UTP11: variants seen among roughly 807,000 people sequenced by gnomAD.
UTP11 encodes probable U3 small nucleolar RNA-associated protein 11.
A neutral mutation model predicts 39.0 loss-of-function variants in UTP11; 29 were observed. The observed-to-expected ratio is 0.74, with a 90% CI of 0.55 to 1.01. UTP11 has a LOEUF of 1.01. UTP11 is among the 50% of genes least tolerant of loss of function. The pLI is 0.00. For synonymous variants in UTP11, 111 were observed against 105.0 expected (o/e 1.06, Z -0.35); for missense variants, 281 against 306.0 (o/e 0.92, Z 0.61).
At chr1:38,018,399 TG>T in intron 3 of UTP11, 64 bp from the exon 4 acceptor site, 1 of 1,275,442 alleles carries the variant, frequency 7.8e-7, no homozygotes, top group Non-Finnish European at 1.1e-6. Context: ...AGCCGTGCAC[TG>T]TGCCAACAAC....
intron 4 of UTP11, 65 bp downstream of exon 4, chr1:38,018,642 C>G (rs1646719420): frequency 1.7e-6 from 2 of 1,195,018 alleles, no homozygotes; most frequent in Non-Finnish European, 2.4e-6. Context: ...TCATCAATCT[C>G]AAGTTATTCA....
intron 3 of UTP11, among the ~76,000 whole-genome samples, chr1:38,018,159 C>G (rs1314171278): frequency 1.3e-5 from 2 of 152,092 alleles, no homozygotes; most frequent in Non-Finnish European, 2.9e-5. Context: ...CAACCTCTGC[C>G]TCCCGGGTTC....
chr1:38,017,523 T>C (rs1646712741), intron 2 of UTP11, 145 bp from the exon 3 acceptor site: 1 of 587,166 alleles, frequency 1.7e-6, no homozygotes, highest in Non-Finnish European at 2.9e-6. Context: ...AGTGTCCAGA[T>C]CCAGTCAGTG....
In UTP11 at chr1:38,012,877, C is replaced by T. The variant is rs745848323; in HGVS notation, c.63+12C>T. On this transcript the variant is annotated intron_variant, in intron 1 of 7. Transcript: ENST00000373014. Reference sequence around the variant, plus strand: ...GAGAGCGAAGCCAGGTAGGACCATACAGGCCCCACAAGTGCTGGCCTTTGT... The same window carrying T: ...GAGAGCGAAGCCAGGTAGGACCATATAGGCCCCACAAGTGCTGGCCTTTGT... 1.2e-6 allele frequency: 2 copies of T among 1,614,154 alleles called. No homozygotes were observed. The highest frequency in any genetic ancestry group is 8.5e-7 in the Non-Finnish European group (1 of 1,180,030).
At chr1:38,022,020 C>T (rs561335907) in intron 6 of UTP11, among the ~76,000 whole-genome samples, 1 of 152,278 alleles carries the variant, frequency 6.6e-6, no homozygotes, top group African/African-American at 2.4e-5. Context: ...CTCAGGTGAG[C>T]TTCTGCTGAA....
intron 4 of UTP11, among the ~76,000 whole-genome samples, chr1:38,018,815 T>C (rs747926673): frequency 1.3e-5 from 2 of 152,164 alleles, no homozygotes; most frequent in Non-Finnish European, 2.9e-5. Flanking sequence ...ATGGGCAAAT[T>C]CAACTCCCTG....
chr1:38,023,581 G>A lies in UTP11; in HGVS notation c.715G>A (p.Val239Met), dbSNP rs750177283. ...TQKVKVKKET[V>M]NSPAIYKFQS... ...GAAAGTGAAGGTGAAGAAAGAAACG[G>A]TGAACTCCCCAGCTATTTATAAATT... is the stretch of plus-strand genomic sequence containing the variant. Residue 239 changes from valine (V) to methionine (M), a missense_variant, in exon 8 of 8, where the codon GTG becomes ATG. Coordinates refer to ENST00000373014, the MANE Select transcript of UTP11 (RefSeq NM_016037.4). The A allele has an allele frequency of 5.0e-6, 8 of 1,611,480 alleles. No homozygotes were observed. Among genetic ancestry groups the A allele is most frequent in the Non-Finnish European group, 6.8e-6 (8 of 1,178,944 alleles).
In UTP11 at chr1:38,016,380, G is replaced by T. The variant is rs1243264756; in HGVS notation, c.85G>T (p.Gly29Cys). The T allele has an allele frequency of 6.2e-7, 1 of 1,614,142 alleles. No homozygotes were observed. Among genetic ancestry groups the T allele is most frequent in the South Asian group, 1.1e-5 (1 of 91,080 alleles). Reference sequence around the variant, plus strand: ...CTAGCCTGGCTTTCGAAAACATCTGGGCCTGCTGGAGAAAAAGAAAGATTA... The same window carrying T: ...CTAGCCTGGCTTTCGAAAACATCTGTGCCTGCTGGAGAAAAAGAAAGATTA... Reference protein sequence around the residue: ...RSQPGFRKHLGLLEKKKDYKL... With the variant: ...RSQPGFRKHLCLLEKKKDYKL... The change falls in exon 2 of 8, where the codon GGC becomes TGC. Residue 29 changes from glycine to cysteine, a missense_variant. By Grantham distance (159) the Gly-to-Cys change is radical. Transcript: ENST00000373014.
Position 38,024,631 on chromosome 1 carries a change from TC to T in UTP11, c.*1004del, listed in dbSNP as rs1646755791. 6.6e-6 allele frequency: 1 copy of T among 151,760 alleles called. No homozygotes were observed. The highest frequency in any genetic ancestry group is 2.1e-4 in the South Asian group (1 of 4,808). 9.4% of individuals were successfully genotyped at this position (151,760 alleles called of 1,614,324 possible). A position where few individuals can be genotyped will look rare whatever the true frequency, so the allele number is the denominator to read the frequency against. ...ACCTTGTTAGCCAGGATGGTCTCGATCTCCTGACCTCATGATCCACCCGCCT... is the reference window on the plus strand; with the variant it reads ...ACCTTGTTAGCCAGGATGGTCTCGATTCCTGACCTCATGATCCACCCGCCT... On this transcript the variant is annotated 3_prime_UTR_variant, in exon 8 of 8. Coordinates refer to ENST00000373014, the MANE Select transcript of UTP11 (RefSeq NM_016037.4).
intron 6 of UTP11, 39 bp downstream of exon 6, chr1:38,019,422 G>A: frequency 1.4e-6 from 2 of 1,435,234 alleles, no homozygotes; most frequent in East Asian, 2.5e-5. Flanking sequence ...GAGCTTAGGG[G>A]AATCTAGGTG....
chr1:38,015,116 G>C (rs1218621671), intron 1 of UTP11, among the ~76,000 whole-genome samples: 1 of 152,082 alleles, frequency 6.6e-6, no homozygotes, highest in Non-Finnish European at 1.5e-5. Context: ...TCCGCCTCCC[G>C]TGTTCAAGCA....
intron 1 of UTP11, among the ~76,000 whole-genome samples, chr1:38,013,560 C>T (rs1013539207): frequency 2.6e-5 from 4 of 152,118 alleles, no homozygotes; most frequent in Non-Finnish European, 4.4e-5. Flanking sequence ...GAATCCCGTG[C>T]TTAATATCTG....
chr1:38,021,210 C>T (rs565951778), intron 6 of UTP11, among the ~76,000 whole-genome samples: 89 of 152,252 alleles, frequency 5.8e-4, no homozygotes, highest in Non-Finnish European at 1.1e-3. Flanking sequence ...CGTGAGCTAC[C>T]GCGCCCGGCA....
chr1:38,012,763 T>A lies in UTP11; in HGVS notation c.-40T>A. ...GACTTGGCGGCAGAGGCAGTGCGGA[T>A]CCGGCGTTCTCCACTGATCTTTTCC... On this transcript the variant is annotated 5_prime_UTR_variant, in exon 1 of 8. Coordinates refer to ENST00000373014, the MANE Select transcript of UTP11 (RefSeq NM_016037.4). The A allele has an allele frequency of 6.2e-7, 1 of 1,613,852 alleles. No individual in the cohort carries two copies. Among genetic ancestry groups the A allele is most frequent in the Non-Finnish European group, 8.5e-7 (1 of 1,179,742 alleles).
rs1200609390 is a variant in UTP11, at chr1:38,022,973, G to GGTTGTCT, written c.678+164_678+165insGTTGTCT. On this transcript the variant is annotated intron_variant, in intron 7 of 7. Transcript: ENST00000373014. ...AGCCAGTGTCTGTTACTCTGACAGT[G>GGTTGTCT]TTGAAATGCGCCTTGATTAAGGAGG... Among the ~76,000 whole-genome samples, 10 of 152,276 alleles carry GGTTGTCT rather than the reference G, an allele frequency of 6.6e-5. No individual in the cohort carries two copies. In the East Asian group the frequency reaches 1.7e-3, roughly 26 times the overall value.
At chr1:38,021,824 C>T (rs1646739326) in intron 6 of UTP11, among the ~76,000 whole-genome samples, 3 of 151,018 alleles carry the variant, frequency 2.0e-5, no homozygotes, top group East Asian at 1.9e-4. Context: ...ACCCAGGAGG[C>T]GGAGGTTGTA....
intron 6 of UTP11, among the ~76,000 whole-genome samples, chr1:38,020,052 A>G (rs572131098): frequency 5.9e-5 from 9 of 152,250 alleles, no homozygotes; most frequent in African/African-American, 9.6e-5. Context: ...AGGATTTGCA[A>G]TACTTTAATA....
chr1:38,023,690 C>A lies in UTP11; in HGVS notation c.*62C>A, dbSNP rs1424892758. ...ATCTGTTGTCGTTTTCTAGTAACTT[C>A]AAATTCCATTACTCCAAATGGCATG... On this transcript the variant is annotated 3_prime_UTR_variant, in exon 8 of 8. Transcript: ENST00000373014. 6.9e-7 allele frequency: 1 copy of A among 1,448,468 alleles called. No individual in the cohort carries two copies. The highest frequency in any genetic ancestry group is 2.4e-5 in the East Asian group (1 of 42,386). The allele number at this position is 1,448,468 out of a possible 1,614,324, so 89.7% of individuals were successfully genotyped here. A position where few individuals can be genotyped will look rare whatever the true frequency, so the allele number is the denominator to read the frequency against.
chr1:38,018,934 A>C, intron 4 of UTP11, 125 bp from the exon 5 acceptor site: 1 of 852,940 alleles, frequency 1.2e-6, no homozygotes. Context: ...CCTTTAAAAG[A>C]ATAAAGCAAG....
Sources: gnomAD v4.1 joint callset for allele counts (sites outside exome capture counted in the v4.1 genomes callset) on GRCh38, gnomAD v4.1.1 for gene constraint, MANE v1.5 for transcripts, NCBI Gene and HGNC (gene_info 2026-07-23, HGNC 2026-07-21) for gene names.